Variants in ABHD12 observed in about 807,000 individuals in gnomAD.
ABHD12 encodes abhydrolase domain containing 12, lysophospholipase, also known as lysophosphatidylserine lipase ABHD12.
Under a neutral mutation model 58.3 loss-of-function variants are expected in ABHD12, and 43 were observed. The observed-to-expected ratio is 0.74, with a 90% CI of 0.58 to 0.95. The LOEUF (loss-of-function observed/expected upper bound fraction) is 0.95. ABHD12 is among the 40% of genes least tolerant of loss of function. The probability of loss-of-function intolerance (pLI) is 0.00; values close to 1 mark genes in which losing one functional copy is unlikely to be tolerated. For synonymous variants in ABHD12, 219 were observed against 211.2 expected, an observed-to-expected ratio of 1.04 and a Z score of -0.32; for missense variants, 539 against 537.2, an observed-to-expected ratio of 1.00 and a Z score of -0.03.
At chr20:25,304,611 A>G (rs2088700995) in intron 10 of ABHD12, among the ~76,000 whole-genome samples, 1 of 152,216 alleles carries the variant, frequency 6.6e-6, no homozygotes, top group Non-Finnish European at 1.5e-5. Flanking sequence ...CTCTTTCACC[A>G]GGCTGGAGTG....
chr20:25,378,257 T>C (rs1456934257), intron 1 of ABHD12, among the ~76,000 whole-genome samples: 6 of 152,236 alleles, frequency 3.9e-5, no homozygotes, highest in Non-Finnish European at 8.8e-5. Flanking sequence ...AGCCTGAGTA[T>C]GCAAGAGCTG....
At chr20:25,326,739 C>T (rs531872994) in intron 2 of ABHD12, among the ~76,000 whole-genome samples, 82 of 103,830 alleles carry the variant, frequency 7.9e-4, no homozygotes, top group African/African-American at 2.8e-3. Context: ...AATTATGCTT[C>T]AAAAAAAAAC....
chr20:25,323,528 T>G (rs181434405), intron 2 of ABHD12, 98 bp from the exon 3 acceptor site: 62 of 792,662 alleles, frequency 7.8e-5, no homozygotes, highest in East Asian at 3.7e-4. Context: ...CAGATATGCA[T>G]CCACACGTGC....
chr20:25,387,259 G>C (rs2090103463), intron 1 of ABHD12, among the ~76,000 whole-genome samples: 1 of 152,084 alleles, frequency 6.6e-6, no homozygotes, highest in South Asian at 2.1e-4. Context: ...GAAATACAAT[G>C]CAATCAGAAA....
chr20:25,390,525 C>A lies in ABHD12; in HGVS notation c.179G>T (p.Arg60Leu). 2 of 1,464,476 alleles carry A rather than the reference C, an allele frequency of 1.4e-6. No individual in the cohort carries two copies. The highest frequency in any genetic ancestry group is 1.8e-6 in the Non-Finnish European group (2 of 1,114,382). 90.7% of individuals were successfully genotyped at this position (1,464,476 alleles called of 1,614,324 possible). The change falls in exon 1 of 13, where the codon CGG becomes CTG. Residue 60 changes from arginine (R) to leucine (L), a missense_variant. Coordinates refer to ENST00000339157, the MANE Select transcript of ABHD12 (RefSeq NM_001042472.3). ...PRCAADAGMK[R>L]ALGRRKGVWL... ...CGCGAAGCCTCACCTGCCCAGCGCC[C>A]GCTTCATTCCCGCGTCGGCTGCGCA... is the stretch of plus-strand genomic sequence containing the variant.
Position 25,300,822 on chromosome 20 carries a change from A to C in ABHD12, c.*23T>G, listed in dbSNP as rs750011010. The C allele has an allele frequency of 1.9e-6, 3 of 1,613,916 alleles. No homozygotes were observed. In the East Asian group the frequency reaches 6.7e-5, roughly 36 times the overall value. On this transcript the variant is annotated 3_prime_UTR_variant, in exon 13 of 13. Transcript: ENST00000339157. ...AAACGGGAGGAGGGCAGAGGTCTTC[A>C]TGCTTCCTTCCCACGGCCAGGCTCA... is the stretch of plus-strand genomic sequence containing the variant.
At chr20:25,365,771 AG>A (rs1462330049) in intron 1 of ABHD12, among the ~76,000 whole-genome samples, 2 of 152,214 alleles carry the variant, frequency 1.3e-5, no homozygotes, top group Non-Finnish European at 2.9e-5. Flanking sequence ...AGTGTTCACC[AG>A]GTGCAGGGCC....
chr20:25,354,135 G>C (rs1600843060), intron 1 of ABHD12, among the ~76,000 whole-genome samples: 1 of 152,210 alleles, frequency 6.6e-6, no homozygotes, highest in African/African-American at 2.4e-5. Flanking sequence ...AAATTCCTAA[G>C]TGAATAAACA....
chr20:25,350,897 C>G (rs138071604), intron 1 of ABHD12, among the ~76,000 whole-genome samples: 1 of 150,962 alleles, frequency 6.6e-6, no homozygotes, highest in African/African-American at 2.4e-5. Context: ...ACCTTGGATA[C>G]CAGAGCATTT....
chr20:25,306,466 C>A (rs111686671), intron 10 of ABHD12, among the ~76,000 whole-genome samples: 3 of 152,156 alleles, frequency 2.0e-5, no homozygotes, highest in Non-Finnish European at 4.4e-5. Flanking sequence ...CAGTCTTGAC[C>A]TCCCCAGGCT....
At chr20:25,308,404 G>A in intron 8 of ABHD12, 53 bp downstream of exon 8, 1 of 1,594,886 alleles carries the variant, frequency 6.3e-7, no homozygotes, top group East Asian at 2.3e-5. Context: ...GGCCGGGACT[G>A]GGGAGCACCC....
chr20:25,323,555 A>G, intron 2 of ABHD12, 125 bp from the exon 3 acceptor site: 1 of 719,148 alleles, frequency 1.4e-6, no homozygotes, highest in Non-Finnish European at 2.6e-6. Flanking sequence ...ACACATGCAC[A>G]CCCACATGCA....
chr20:25,302,155 T>C (rs2088647136), intron 12 of ABHD12, 64 bp downstream of exon 12: 3 of 1,609,648 alleles, frequency 1.9e-6, no homozygotes, highest in Admixed American at 1.7e-5. Context: ...TGCCACCTGC[T>C]GCACGTTAGG....
At chr20:25,339,626 G>A (rs1390875939) in intron 1 of ABHD12, 9 of 1,428,994 alleles carry the variant, frequency 6.3e-6, no homozygotes, top group Middle Eastern at 1.9e-4. Context: ...ACTCACCCTT[G>A]CAGAAGAATA....
chr20:25,300,781 GC>G lies in ABHD12; in HGVS notation c.*63del. ...GCCCCCCGGGGCTTCAGGATACCGG[GC>G]TGCTGACTGGAGGAAAACGGGAGGA... On this transcript the variant is annotated 3_prime_UTR_variant, in exon 13 of 13. Transcript: ENST00000339157. 6.2e-7 allele frequency: 1 copy of G among 1,613,212 alleles called. No individual in the cohort carries two copies. The highest frequency in any genetic ancestry group is 1.3e-5 in the African/African-American group (1 of 75,040).
At chr20:25,368,355 C>T (rs1488820356) in intron 1 of ABHD12, 3 of 1,558,782 alleles carry the variant, frequency 1.9e-6, no homozygotes, top group East Asian at 2.2e-5. Flanking sequence ...ATGGCCTCCA[C>T]AATATTCTTG....
At chr20:25,374,647 C>A (rs569807480) in intron 1 of ABHD12, among the ~76,000 whole-genome samples, 19 of 152,322 alleles carry the variant, frequency 1.2e-4, no homozygotes, top group African/African-American at 4.6e-4. Context: ...GCATGTGCCA[C>A]CACACCCGGC....
intron 4 of ABHD12, 120 bp downstream of exon 4, chr20:25,320,079 C>A: frequency 7.0e-7 from 1 of 1,425,150 alleles, no homozygotes; most frequent in South Asian, 1.2e-5. Context: ...TGGGTCAGTA[C>A]ACCCAATTTT....
chr20:25,390,403 G>T (rs1291113110), intron 1 of ABHD12, 110 bp downstream of exon 1: 1 of 1,102,696 alleles, frequency 9.1e-7, no homozygotes, highest in Non-Finnish European at 1.2e-6. Context: ...CGGATCGGGC[G>T]GACGGCCACT....
Sources: allele counts gnomAD v4.1 joint callset (sites outside exome capture counted in the v4.1 genomes callset), GRCh38; gene constraint gnomAD v4.1.1; transcripts MANE v1.5; gene names NCBI Gene and HGNC (gene_info 2026-07-23, HGNC 2026-07-21).